Variants in RBFOX1 observed in about 807,000 individuals in gnomAD.
RBFOX1 encodes the protein RNA binding fox-1 homolog 1, also known as RNA binding protein fox-1 homolog 1.
A neutral mutation model predicts 57.7 loss-of-function variants in RBFOX1; 8 were observed. The observed-to-expected ratio is 0.14, with a 90% CI of 0.08 to 0.25. The LOEUF (loss-of-function observed/expected upper bound fraction) is 0.25, where lower values mean the gene tolerates loss of function less well. Ranked by LOEUF, RBFOX1 falls within the 10% of genes least tolerant of loss-of-function variation. RBFOX1 has a pLI of 1.00. For missense variants in RBFOX1, 611 were observed against 548.5 expected (o/e 1.11, Z -1.14); for synonymous variants, 326 against 222.4 (o/e 1.47, Z -4.15).
chr16:6,491,088 T>C (rs1364008973), intron 2 of RBFOX1, among the ~76,000 whole-genome samples: 1 of 152,132 alleles, frequency 6.6e-6, no homozygotes, highest in Non-Finnish European at 1.5e-5. Flanking sequence ...AGTACTAAAA[T>C]TTAAATTATA....
intron 2 of RBFOX1, among the ~76,000 whole-genome samples, chr16:5,510,795 G>A (rs1431274657): frequency 6.6e-6 from 1 of 152,092 alleles, no homozygotes; most frequent in Non-Finnish European, 1.5e-5. Flanking sequence ...GCTGTTCTGA[G>A]TACTGCAGGA....
chr16:7,162,697 C>G (rs1464362195), intron 4 of RBFOX1, among the ~76,000 whole-genome samples: 1 of 152,116 alleles, frequency 6.6e-6, no homozygotes, highest in African/African-American at 2.4e-5. Flanking sequence ...CCACTGCACT[C>G]CACCCTGGGT....
chr16:6,395,412 C>G (rs961546889), intron 2 of RBFOX1, among the ~76,000 whole-genome samples: 1 of 152,014 alleles, frequency 6.6e-6, no homozygotes, highest in Non-Finnish European at 1.5e-5. Context: ...TCATGTTATC[C>G]CAAATTCTTT....
At chr16:7,257,141 G>C (rs1003483700) in intron 4 of RBFOX1, among the ~76,000 whole-genome samples, 1 of 152,090 alleles carries the variant, frequency 6.6e-6, no homozygotes, top group African/African-American at 2.4e-5. Context: ...AATTGCCTTC[G>C]GAAAACCCTT....
At chr16:5,426,438 G>A (rs548957282) in intron 1 of RBFOX1, among the ~76,000 whole-genome samples, 31 of 152,294 alleles carry the variant, frequency 2.0e-4, no homozygotes, top group African/African-American at 6.0e-4. Flanking sequence ...CGTACCCAGC[G>A]TTTGCAGCCA....
intron 1 of RBFOX1, among the ~76,000 whole-genome samples, chr16:6,161,281 CAG>C (rs1255505449): frequency 2.0e-5 from 3 of 151,656 alleles, no homozygotes; most frequent in Admixed American, 1.3e-4. Flanking sequence ...CCCAGCTACT[CAG>C]GGGGCTAAGG....
At chr16:5,785,375 A>T (rs954280497) in intron 3 of RBFOX1, among the ~76,000 whole-genome samples, 1 of 152,134 alleles carries the variant, frequency 6.6e-6, no homozygotes, top group Non-Finnish European at 1.5e-5. Flanking sequence ...CCTTCCAGGC[A>T]TGGGGGTGGT....
chr16:6,876,697 G>A (rs1039884153), intron 3 of RBFOX1, among the ~76,000 whole-genome samples: 4 of 152,026 alleles, frequency 2.6e-5, no homozygotes, highest in African/African-American at 9.7e-5. Context: ...AACCAAAGAA[G>A]TTGTTATCTG....
At chr16:7,408,317 CAGA>C (rs2098381240) in intron 4 of RBFOX1, among the ~76,000 whole-genome samples, 1 of 152,058 alleles carries the variant, frequency 6.6e-6, no homozygotes, top group South Asian at 2.1e-4. Flanking sequence ...GACAATACAG[CAGA>C]AGAACTTTTA....
chr16:7,055,658 A>G (rs79866823), intron 4 of RBFOX1, among the ~76,000 whole-genome samples: 6,843 of 152,286 alleles, frequency 0.045, 313 homozygotes, highest in East Asian at 0.21. Context: ...AATCACTGGC[A>G]AGGTGAACTG....
chr16:6,865,006 T>TTC (rs2059671388), intron 3 of RBFOX1, among the ~76,000 whole-genome samples: 5 of 141,874 alleles, frequency 3.5e-5, no homozygotes, highest in Admixed American at 1.4e-4. Context: ...TTTTTTTTTT[T>TTC]TTTTTTTTTT....
chr16:6,879,147 C>T (rs1025378678), intron 3 of RBFOX1, among the ~76,000 whole-genome samples: 1 of 152,142 alleles, frequency 6.6e-6, no homozygotes, highest in African/African-American at 2.4e-5. Context: ...ACAGACAAAT[C>T]ATTGACAAAA....
At chr16:7,653,716 C>A in intron 11 of RBFOX1, 99 bp from the exon 12 acceptor site, 1 of 1,543,966 alleles carries the variant, frequency 6.5e-7, no homozygotes, top group Non-Finnish European at 8.7e-7. Context: ...CCTGCTGGGA[C>A]CCTGTGCAGG....
At chr16:7,153,921 T>G (rs2076584159) in intron 4 of RBFOX1, among the ~76,000 whole-genome samples, 1 of 151,054 alleles carries the variant, frequency 6.6e-6, no homozygotes, top group African/African-American at 2.4e-5. Flanking sequence ...TAAACCTGGT[T>G]TTAAAAAAAA....
chr16:6,495,598 T>A (rs762686568), intron 2 of RBFOX1, among the ~76,000 whole-genome samples: 3 of 152,234 alleles, frequency 2.0e-5, no homozygotes, highest in Non-Finnish European at 2.9e-5. Flanking sequence ...GCTGACTTCA[T>A]CAGCCCTTAG....
intron 1 of RBFOX1, among the ~76,000 whole-genome samples, chr16:6,290,634 C>A (rs977337616): frequency 6.6e-6 from 1 of 152,054 alleles, no homozygotes; most frequent in Non-Finnish European, 1.5e-5. Flanking sequence ...GTGAATTTAG[C>A]ACACATGGGC....
chr16:6,080,407 T>G (rs2095983122), intron 1 of RBFOX1, among the ~76,000 whole-genome samples: 1 of 152,188 alleles, frequency 6.6e-6, no homozygotes, highest in South Asian at 2.1e-4. Flanking sequence ...TGGGACCACT[T>G]GGTAGATTGA....
intron 2 of RBFOX1, among the ~76,000 whole-genome samples, chr16:6,594,975 G>A (rs1022289022): frequency 6.6e-6 from 1 of 152,086 alleles, no homozygotes; most frequent in African/African-American, 2.4e-5. Context: ...TTATAGCAGA[G>A]ACAAGGTTTC....
chr16:6,161,796 G>A (rs1033610040), intron 1 of RBFOX1, among the ~76,000 whole-genome samples: 1 of 152,190 alleles, frequency 6.6e-6, no homozygotes, highest in Non-Finnish European at 1.5e-5. Flanking sequence ...CGTGCTTTGT[G>A]TTACTATTAC....
Sources: allele counts gnomAD v4.1 joint callset (sites outside exome capture counted in the v4.1 genomes callset), GRCh38; gene constraint gnomAD v4.1.1; transcripts MANE v1.5; gene names NCBI Gene and HGNC (gene_info 2026-07-23, HGNC 2026-07-21).